Variants in TAFA5 observed in about 807,000 individuals in gnomAD.
TAFA5 encodes chemokine-like protein TAFA-5.
TAFA5 carries 6 observed loss-of-function variants against 15.3 expected under a neutral mutation model. The ratio of observed to expected loss-of-function variants is 0.39; its 90% CI spans 0.21 to 0.77. The LOEUF (loss-of-function observed/expected upper bound fraction) is 0.77, where lower values mean the gene tolerates loss of function less well. Ranked by LOEUF, TAFA5 falls within the 30% of genes least tolerant of loss-of-function variation. The probability of loss-of-function intolerance (pLI) is 0.41; values close to 1 mark genes in which losing one functional copy is unlikely to be tolerated. For missense variants in TAFA5, 161 were observed against 193.1 expected, an observed-to-expected ratio of 0.83 and a Z score of 0.98; for synonymous variants, 103 against 80.7, an observed-to-expected ratio of 1.28 and a Z score of -1.48.
chr22:48,522,012 A>C (rs133492), intron 1 of TAFA5, among the ~76,000 whole-genome samples: 36,515 of 152,206 alleles, frequency 0.24, 4,890 homozygotes, highest in Middle Eastern at 0.31. Flanking sequence ...TGGGGAGCGC[A>C]TGGTTACTTC....
At chr22:48,584,891 A>G (rs887714994) in intron 1 of TAFA5, among the ~76,000 whole-genome samples, 6 of 144,746 alleles carry the variant, frequency 4.1e-5, no homozygotes, top group African/African-American at 1.0e-4. Context: ...ACCATTCACA[A>G]AATACATCTC....
chr22:48,632,083 G>A (rs1464623779), intron 1 of TAFA5, among the ~76,000 whole-genome samples: 6 of 152,216 alleles, frequency 3.9e-5, no homozygotes, highest in Non-Finnish European at 8.8e-5. Flanking sequence ...GGCCTAGGCC[G>A]GACGTGGTCT....
At chr22:48,630,295 TC>T (rs1318946295) in intron 1 of TAFA5, among the ~76,000 whole-genome samples, 1 of 152,084 alleles carries the variant, frequency 6.6e-6, no homozygotes, top group Non-Finnish European at 1.5e-5. Flanking sequence ...CCCAAGTTAC[TC>T]CCTGACCCTG....
At chr22:48,562,058 C>T (rs913747516) in intron 1 of TAFA5, among the ~76,000 whole-genome samples, 6 of 152,186 alleles carry the variant, frequency 3.9e-5, no homozygotes, top group South Asian at 2.1e-4. Context: ...TAGGTCCTGG[C>T]GCAGGGTAAG....
At chr22:48,653,336 C>A (rs1319395594) in intron 2 of TAFA5, among the ~76,000 whole-genome samples, 1 of 152,198 alleles carries the variant, frequency 6.6e-6, no homozygotes, top group Admixed American at 6.5e-5. Context: ...AGACCCTGCC[C>A]CCGGTTCCCT....
intron 1 of TAFA5, among the ~76,000 whole-genome samples, chr22:48,538,539 T>G (rs957291168): frequency 3.3e-5 from 5 of 152,242 alleles, no homozygotes; most frequent in African/African-American, 1.2e-4. Context: ...CCTGCACTGG[T>G]GCTGCCTGAC....
intron 1 of TAFA5, chr22:48,576,358 C>T: frequency 8.5e-7 from 1 of 1,180,274 alleles, no homozygotes; most frequent in East Asian, 3.8e-5. Context: ...CGGAGCGCGG[C>T]GTTGGCGGCG....
intron 1 of TAFA5, among the ~76,000 whole-genome samples, chr22:48,577,317 C>T (rs1477437764): frequency 6.6e-6 from 1 of 152,168 alleles, no homozygotes; most frequent in East Asian, 1.9e-4. Flanking sequence ...CGGCTCCAGG[C>T]ACCCCAGACA....
rs536032208 is a variant in TAFA5 at position 48,525,197 on chromosome 22, G to A, written c.112+35493G>A. ...TCCCTTTGCCATGTAGGGTGACCCGGTGACCCATTCACAGGCTCCAGAGAT... is the reference window on the plus strand; with the variant it reads ...TCCCTTTGCCATGTAGGGTGACCCGATGACCCATTCACAGGCTCCAGAGAT... On this transcript the variant is annotated intron_variant, in intron 1 of 3. Coordinates refer to ENST00000402357, the MANE Select transcript of TAFA5 (RefSeq NM_001082967.3). 6.6e-5 allele frequency among the ~76,000 whole-genome samples: 10 copies of A among 152,280 alleles called. No individual in the cohort carries two copies. The South Asian group carries it at 2.1e-3, about 32-fold the overall frequency.
At chr22:48,511,777 G>A (rs769535431) in intron 1 of TAFA5, among the ~76,000 whole-genome samples, 4 of 152,384 alleles carry the variant, frequency 2.6e-5, no homozygotes, top group Admixed American at 6.5e-5. Flanking sequence ...TTACAAGACG[G>A]TGCTGACAGT....
chr22:48,668,823 A>T (rs1927709043), intron 2 of TAFA5, among the ~76,000 whole-genome samples: 1 of 152,216 alleles, frequency 6.6e-6, no homozygotes, highest in African/African-American at 2.4e-5. Flanking sequence ...GGCTGGCACC[A>T]GGATTAACTT....
chr22:48,744,590 G>A (rs749573060), intron 3 of TAFA5, among the ~76,000 whole-genome samples: 3 of 152,106 alleles, frequency 2.0e-5, no homozygotes, highest in Non-Finnish European at 4.4e-5. Context: ...CGGCAAAGTC[G>A]CTCTGCAGAC....
intron 1 of TAFA5, among the ~76,000 whole-genome samples, chr22:48,534,784 A>G (rs879592594): frequency 1.3e-5 from 2 of 152,094 alleles, no homozygotes; most frequent in African/African-American, 2.4e-5. Context: ...GCACTGAGAA[A>G]GCGGGCTCTG....
chr22:48,563,924 A>G (rs765617113), intron 1 of TAFA5, among the ~76,000 whole-genome samples: 3 of 152,196 alleles, frequency 2.0e-5, no homozygotes, highest in Non-Finnish European at 4.4e-5. Flanking sequence ...GGAGCCGGGC[A>G]TCCTTGTCCT....
intron 1 of TAFA5, among the ~76,000 whole-genome samples, chr22:48,515,638 A>G (rs1432962217): frequency 1.3e-5 from 2 of 152,040 alleles, no homozygotes; most frequent in Non-Finnish European, 2.9e-5. Flanking sequence ...CCCAATTCCA[A>G]GGGCACCCCT....
chr22:48,702,537 ACCCTGTGCCCTTTACG>A (rs964986169), intron 2 of TAFA5, among the ~76,000 whole-genome samples: 18 of 151,722 alleles, frequency 1.2e-4, no homozygotes, highest in African/African-American at 4.4e-4. Flanking sequence ...TACGCATGAG[ACCCTGTGCCCTTTACG>A]CCCCGTGCCC....
chr22:48,491,404 G>A (rs1928149817), intron 1 of TAFA5, among the ~76,000 whole-genome samples: 2 of 152,058 alleles, frequency 1.3e-5, no homozygotes, highest in Admixed American at 1.3e-4. Flanking sequence ...GAGAGGGAGA[G>A]GGGGCTCATT....
At chr22:48,572,577 G>A (rs1422927343) in intron 1 of TAFA5, among the ~76,000 whole-genome samples, 9 of 152,184 alleles carry the variant, frequency 5.9e-5, no homozygotes, top group Admixed American at 5.2e-4. Flanking sequence ...TAGACCTTGA[G>A]TTTTTCACTC....
chr22:48,734,778 G>A (rs1226331521), intron 3 of TAFA5, among the ~76,000 whole-genome samples: 1 of 152,268 alleles, frequency 6.6e-6, no homozygotes, highest in African/African-American at 2.4e-5. Flanking sequence ...GATGTCGTGA[G>A]CATCTCAAAT....
Sources: gnomAD v4.1 joint callset for allele counts (sites outside exome capture counted in the v4.1 genomes callset) on GRCh38, gnomAD v4.1.1 for gene constraint, MANE v1.5 for transcripts, NCBI Gene and HGNC (gene_info 2026-07-23, HGNC 2026-07-21) for gene names.